Variants in PARD3B observed in about 807,000 individuals in gnomAD.
The protein encoded by PARD3B is partitioning defective 3 homolog B.
Under a neutral mutation model 130.2 loss-of-function variants are expected in PARD3B, and 103 were observed. That is an observed-to-expected ratio of 0.79 (90% CI 0.67 to 0.93). The LOEUF is 0.93. PARD3B is among the 40% of genes least tolerant of loss of function. PARD3B has a pLI of 0.00. For missense variants in PARD3B, 1,609 were observed against 1,499.2 expected (o/e 1.07, Z -1.21); for synonymous variants, 583 against 553.2 (o/e 1.05, Z -0.76).
intron 20 of PARD3B, among the ~76,000 whole-genome samples, chr2:205,479,389 T>G (rs745902690): frequency 6.6e-6 from 1 of 152,176 alleles, no homozygotes; most frequent in Non-Finnish European, 1.5e-5. Context: ...ATTAAATTCC[T>G]CCTATCACTT....
chr2:205,329,214 A>G (rs1209789500), intron 18 of PARD3B, among the ~76,000 whole-genome samples: 2 of 152,134 alleles, frequency 1.3e-5, no homozygotes, highest in Non-Finnish European at 2.9e-5. Context: ...TTATATCACT[A>G]GTTATTTTTC....
chr2:204,804,442 G>A (rs545160022), intron 2 of PARD3B, among the ~76,000 whole-genome samples: 1 of 152,078 alleles, frequency 6.6e-6, no homozygotes, highest in Non-Finnish European at 1.5e-5. Flanking sequence ...TCAGCAAGAG[G>A]ATATCACAGT....
chr2:204,737,116 C>T (rs1046043492), intron 2 of PARD3B, among the ~76,000 whole-genome samples: 2 of 152,120 alleles, frequency 1.3e-5, no homozygotes, highest in Admixed American at 1.3e-4. Flanking sequence ...GGAATTACAG[C>T]ACATGCCACC....
chr2:204,615,707 G>C (rs2034087855), intron 1 of PARD3B, among the ~76,000 whole-genome samples: 2 of 152,204 alleles, frequency 1.3e-5, no homozygotes, highest in South Asian at 4.1e-4. Context: ...AATAACCGTG[G>C]TTTCTCTGTC....
intron 2 of PARD3B, among the ~76,000 whole-genome samples, chr2:204,772,398 A>G (rs924419760): frequency 2.6e-5 from 4 of 152,068 alleles, no homozygotes; most frequent in Admixed American, 2.6e-4. Context: ...AAAAAGTCTA[A>G]TTCATAGACA....
At chr2:204,823,940 A>G (rs1188206799) in intron 2 of PARD3B, among the ~76,000 whole-genome samples, 3 of 93,338 alleles carry the variant, frequency 3.2e-5, no homozygotes, top group African/African-American at 2.6e-4. Flanking sequence ...ACTCAGTCTC[A>G]AAAAAAAAAA....
chr2:204,838,630 A>G (rs944534848), intron 2 of PARD3B, among the ~76,000 whole-genome samples: 9 of 152,128 alleles, frequency 5.9e-5, no homozygotes, highest in Non-Finnish European at 1.2e-4. Flanking sequence ...GATAGAAGAA[A>G]TAAGACCTAG....
chr2:204,607,624 T>G lies in PARD3B; in HGVS notation c.120+61505T>G, dbSNP rs187773898. 9.2e-5 allele frequency among the ~76,000 whole-genome samples: 14 copies of G among 151,796 alleles called. No individual in the cohort carries two copies. The East Asian group carries it at 2.7e-3, about 29-fold the overall frequency. On this transcript the variant is annotated intron_variant, in intron 1 of 22. Transcript: ENST00000406610. Reference sequence around the variant, plus strand: ...GTTAAGAAAAGGAAGAAAATTATTTTAAAAAAAAGGATTATACAGTGGGAA... The same window carrying G: ...GTTAAGAAAAGGAAGAAAATTATTTGAAAAAAAAGGATTATACAGTGGGAA...
intron 2 of PARD3B, among the ~76,000 whole-genome samples, chr2:204,752,472 G>C (rs1019145931): frequency 5.9e-5 from 9 of 152,124 alleles, no homozygotes; most frequent in Non-Finnish European, 1.2e-4. Context: ...AATAAAAAAT[G>C]GTATCTTTAT....
intron 1 of PARD3B, among the ~76,000 whole-genome samples, chr2:204,593,868 T>G (rs1371979922): frequency 6.6e-6 from 1 of 152,178 alleles, no homozygotes; most frequent in Non-Finnish European, 1.5e-5. Flanking sequence ...CACTAAGACT[T>G]TTGTGGGGAC....
chr2:204,932,565 A>G (rs1009752470), intron 2 of PARD3B, among the ~76,000 whole-genome samples: 1 of 152,158 alleles, frequency 6.6e-6, no homozygotes, highest in Non-Finnish European at 1.5e-5. Context: ...TGTTGATTCA[A>G]AATGCAAAAA....
chr2:204,628,656 A>G (rs1446362294), intron 1 of PARD3B, among the ~76,000 whole-genome samples: 1 of 152,178 alleles, frequency 6.6e-6, no homozygotes, highest in Admixed American at 6.6e-5. Flanking sequence ...CATAAAAACA[A>G]TGTATTAGAA....
At position 205,352,176 on chromosome 2, in the gene PARD3B, G is replaced by A. The variant is rs2044019831; in HGVS notation, c.2631-48837G>A. The stretch of plus-strand genomic sequence containing the variant: ...TTTTTGTAGGGTCGGCATATTATAG[G>A]TTTCCCTCATAATGATAACAGAATC... On this transcript the variant is annotated intron_variant, in intron 18 of 22. Coordinates refer to ENST00000406610, the MANE Select transcript of PARD3B (RefSeq NM_001302769.2). The surrounding 1 kb of genome is among the most constrained non-coding windows in gnomAD (Gnocchi z 5.2). 6.6e-6 allele frequency among the ~76,000 whole-genome samples: 1 copy of A among 152,128 alleles called. No individual in the cohort carries two copies. The highest frequency in any genetic ancestry group is 2.4e-5 in the African/African-American group (1 of 41,422).
At chr2:205,503,052 C>T (rs2050216873) in intron 21 of PARD3B, among the ~76,000 whole-genome samples, 1 of 150,954 alleles carries the variant, frequency 6.6e-6, no homozygotes, top group African/African-American at 2.4e-5. Flanking sequence ...TCCCTCTTCC[C>T]TCTTCCCCTC....
chr2:204,982,670 T>C (rs898742878), intron 3 of PARD3B, among the ~76,000 whole-genome samples: 3 of 152,228 alleles, frequency 2.0e-5, no homozygotes, highest in African/African-American at 7.2e-5. Flanking sequence ...ATTAGGTATA[T>C]GGTGACACAA....
chr2:205,446,859 T>C lies in PARD3B; in HGVS notation c.3044+6187T>C, dbSNP rs2047924445. Among the ~76,000 whole-genome samples, 1 of 152,052 alleles carries C rather than the reference T, an allele frequency of 6.6e-6. No homozygotes were observed. The highest frequency in any genetic ancestry group is 2.4e-5 in the African/African-American group (1 of 41,396). On this transcript the variant is annotated intron_variant, in intron 20 of 22. Transcript: ENST00000406610. This position sits in a 1 kb window ranked among gnomAD's most constrained non-coding sequence, Gnocchi z 4.4. The stretch of plus-strand genomic sequence containing the variant: ...GCCAGCATTGAAAGGGCTCCCAGAG[T>C]GTATGAACATGAAAACTTTATGTCT...
intron 2 of PARD3B, among the ~76,000 whole-genome samples, chr2:204,692,013 G>C (rs2037377062): frequency 3.9e-5 from 6 of 152,052 alleles, no homozygotes; most frequent in Admixed American, 3.9e-4. Context: ...TTTTAAAATG[G>C]AGACTGGTTT....
rs764057432 is a variant in PARD3B, at chr2:205,282,462, AATAT to A, written c.2186-18055_2186-18052del. On this transcript the variant is annotated intron_variant, in intron 16 of 22. Transcript: ENST00000406610. ...TTCAGGTATTCCAGTGGCTTAAATT[AATAT>A]ATATATATATATTTGTATGTGTGTA... 4.8e-5 allele frequency among the ~76,000 whole-genome samples: 7 copies of A among 145,378 alleles called. No individual in the cohort carries two copies. The East Asian group carries it at 1.4e-3, about 29-fold the overall frequency.
intron 22 of PARD3B, among the ~76,000 whole-genome samples, chr2:205,573,877 G>A (rs949281198): frequency 1.3e-5 from 2 of 152,134 alleles, no homozygotes; most frequent in South Asian, 2.1e-4. Flanking sequence ...TTTCTCTGTC[G>A]GCACTTAAAA....
Sources: gnomAD v4.1 joint callset for allele counts (sites outside exome capture counted in the v4.1 genomes callset) on GRCh38, gnomAD v4.1.1 for gene constraint, Gnocchi (gnomAD v3.1) non-coding constraint, MANE v1.5 for transcripts, NCBI Gene and HGNC (gene_info 2026-07-23, HGNC 2026-07-21) for gene names.